USP10: variants seen among roughly 807,000 people sequenced by gnomAD.
The protein encoded by USP10 is ubiquitin specific peptidase 10, also known as ubiquitin carboxyl-terminal hydrolase 10.
USP10 carries 22 observed loss-of-function variants against 84.5 expected under a neutral mutation model. The ratio of observed to expected loss-of-function variants is 0.26; its 90% CI spans 0.19 to 0.37. The LOEUF (loss-of-function observed/expected upper bound fraction) is 0.37. USP10 is among the 10% of genes least tolerant of loss of function. USP10 has a pLI of 1.00. For missense variants in USP10, 1,019 were observed against 998.9 expected, an observed-to-expected ratio of 1.02 and a Z score of -0.27; for synonymous variants, 454 against 387.6, an observed-to-expected ratio of 1.17 and a Z score of -2.01.
chr16:84,766,875 C>T (rs111641715), intron 10 of USP10, among the ~76,000 whole-genome samples: 133 of 152,278 alleles, frequency 8.7e-4, no homozygotes, highest in Middle Eastern at 3.4e-3. Flanking sequence ...TTTATTCACA[C>T]CAATTGAAAG....
At chr16:84,775,934 C>T (rs897928901) in intron 13 of USP10, among the ~76,000 whole-genome samples, 2 of 152,074 alleles carry the variant, frequency 1.3e-5, no homozygotes, top group Non-Finnish European at 2.9e-5. Flanking sequence ...TTGCTGTTTG[C>T]CGCACTTTTG....
chr16:84,767,187 C>T (rs1037449595), intron 10 of USP10, among the ~76,000 whole-genome samples: 2 of 152,068 alleles, frequency 1.3e-5, no homozygotes, highest in African/African-American at 2.4e-5. Context: ...GCCTGAGTAC[C>T]TGTCCACACC....
intron 8 of USP10, 117 bp from the exon 9 acceptor site, chr16:84,762,872 A>G: frequency 1.7e-6 from 1 of 577,800 alleles, no homozygotes; most frequent in East Asian, 2.7e-5. Context: ...TTGTTTGGAA[A>G]TACTTTACAT....
chr16:84,717,295 G>A (rs765741499), intron 1 of USP10, among the ~76,000 whole-genome samples: 1 of 152,110 alleles, frequency 6.6e-6, no homozygotes. Context: ...CGGGAGGTCT[G>A]CTGCCACCCA....
intron 12 of USP10, 107 bp from the exon 13 acceptor site, chr16:84,775,053 C>T (rs1364756478): frequency 2.1e-6 from 2 of 936,634 alleles, no homozygotes; most frequent in Non-Finnish European, 3.5e-6. Context: ...TGTTCCTGGT[C>T]TGACAGGCAG....
At chr16:84,711,306 G>A in intron 1 of USP10, among the ~76,000 whole-genome samples, 1 of 152,176 alleles carries the variant, frequency 6.6e-6, no homozygotes. Context: ...TGCTCTGGCT[G>A]TTGCTCTGCA....
intron 1 of USP10, 149 bp downstream of exon 1, chr16:84,700,260 C>A: frequency 1.7e-6 from 1 of 604,828 alleles, no homozygotes; most frequent in Non-Finnish European, 2.2e-6. Context: ...TAGGCCGGAG[C>A]CACCCGCCGC....
At chr16:84,741,982 C>G (rs143351359) in intron 3 of USP10, among the ~76,000 whole-genome samples, 225 of 152,354 alleles carry the variant, frequency 1.5e-3, no homozygotes, top group African/African-American at 5.1e-3. Flanking sequence ...TGCTCCCTCC[C>G]ACTACCTCCA....
chr16:84,713,675 CCA>C (rs1406543479), intron 1 of USP10, among the ~76,000 whole-genome samples: 5 of 152,242 alleles, frequency 3.3e-5, no homozygotes, highest in African/African-American at 1.2e-4. Flanking sequence ...ATTCAGAAGC[CCA>C]CAGTCAGGTG....
At chr16:84,735,414 G>A (rs997199784) in intron 2 of USP10, among the ~76,000 whole-genome samples, 1 of 152,130 alleles carries the variant, frequency 6.6e-6, no homozygotes, top group African/African-American at 2.4e-5. Context: ...AGTGAAAAGT[G>A]CACCGTATTT....
intron 1 of USP10, chr16:84,732,579 C>G (rs750130516): frequency 8.1e-5 from 27 of 334,696 alleles, no homozygotes; most frequent in Non-Finnish European, 1.3e-4. Context: ...CCCGAGCAGC[C>G]GGGACTACAG....
At chr16:84,760,371 C>T in intron 8 of USP10, 96 bp downstream of exon 8, 1 of 1,078,202 alleles carries the variant, frequency 9.3e-7, no homozygotes, top group Admixed American at 2.2e-5. Context: ...CCCTCTGTCT[C>T]CAGCGCTATA....
chr16:84,736,058 G>A (rs974770778), intron 2 of USP10, among the ~76,000 whole-genome samples: 10 of 151,492 alleles, frequency 6.6e-5, no homozygotes, highest in African/African-American at 2.4e-4. Flanking sequence ...GTGTGTGAGT[G>A]GCGAGGGCGT....
Position 84,745,365 on chromosome 16 carries a change from A to G in USP10, c.884A>G (p.Glu295Gly), listed in dbSNP as rs1415799731. 6.2e-7 allele frequency: 1 copy of G among 1,613,300 alleles called. No individual in the cohort carries two copies. ...ANGQILESSG[E>G]GTATNGVELH... is the part of the protein sequence containing the mutation. ...GGACAAATACTTGAATCCTCGGGTG[A>G]GGGCACAGCTACCAACGGGGTGGAG... The change falls in exon 4 of 14, where the codon GAG becomes GGG. Residue 295 changes from glutamate to glycine, a missense_variant. Transcript: ENST00000219473.
intron 11 of USP10, among the ~76,000 whole-genome samples, chr16:84,769,152 C>T (rs368747403): frequency 1.3e-4 from 20 of 152,068 alleles, no homozygotes; most frequent in Non-Finnish European, 1.2e-4. Context: ...TCCTGCAAAG[C>T]GATATTTGAA....
At chr16:84,750,979 C>T (rs867558064) in intron 4 of USP10, among the ~76,000 whole-genome samples, 3 of 152,194 alleles carry the variant, frequency 2.0e-5, no homozygotes, top group South Asian at 2.1e-4. Flanking sequence ...TGGGTCTTCT[C>T]TAATGAATTA....
At chr16:84,740,394 C>G (rs1910486872) in intron 3 of USP10, 25 bp downstream of exon 3, 3 of 1,605,320 alleles carry the variant, frequency 1.9e-6, no homozygotes, top group Non-Finnish European at 2.6e-6. Context: ...TCCTTATTTC[C>G]CTGAAGGGAA....
intron 10 of USP10, among the ~76,000 whole-genome samples, chr16:84,764,748 T>A (rs1913628938): frequency 6.6e-6 from 1 of 151,840 alleles, no homozygotes; most frequent in East Asian, 1.9e-4. Context: ...GGAGAATCGC[T>A]TGAACCCAGG....
chr16:84,715,739 A>G (rs1906931103), intron 1 of USP10, among the ~76,000 whole-genome samples: 1 of 152,210 alleles, frequency 6.6e-6, no homozygotes, highest in African/African-American at 2.4e-5. Context: ...TTCCAGAGGT[A>G]GATCAGGCTT....
Sources: gnomAD v4.1 joint callset for allele counts (sites outside exome capture counted in the v4.1 genomes callset) on GRCh38, gnomAD v4.1.1 for gene constraint, MANE v1.5 for transcripts, NCBI Gene and HGNC (gene_info 2026-07-23, HGNC 2026-07-21) for gene names.